DRD2: variants seen among roughly 807,000 people sequenced by gnomAD.
DRD2 encodes dopamine receptor D2, also known as D(2) dopamine receptor.
DRD2 carries 8 observed loss-of-function variants against 38.0 expected under a neutral mutation model. That is an observed-to-expected ratio of 0.21 (90% confidence interval 0.12 to 0.38). The LOEUF is 0.38. Among genes scored for constraint, DRD2 ranks in the 10% least tolerant of loss-of-function variants. The pLI is 1.00. For missense variants in DRD2, 403 were observed against 607.7 expected (o/e 0.66, Z 3.54); for synonymous variants, 230 against 238.6 (o/e 0.96, Z 0.33).
chr11:113,474,687 T>C (rs1225619526), intron 1 of DRD2, among the ~76,000 whole-genome samples: 1 of 150,320 alleles, frequency 6.7e-6, no homozygotes, highest in Non-Finnish European at 1.5e-5. Context: ...GGTCTCGCGC[T>C]TGGGTGCTGG....
At chr11:113,420,288 G>A (rs1950873165) in intron 2 of DRD2, among the ~76,000 whole-genome samples, 1 of 152,116 alleles carries the variant, frequency 6.6e-6, no homozygotes, top group African/African-American at 2.4e-5. Context: ...TAGGCTCCTG[G>A]ACACAGTTGT....
At chr11:113,414,080 GA>G (rs2138159521) in intron 6 of DRD2, 1 of 436,476 alleles carries the variant, frequency 2.3e-6, no homozygotes, top group East Asian at 4.7e-5. Context: ...AGGATTTGAT[GA>G]GATAATAGGG....
In DRD2 at chr11:113,414,871, G is replaced by A. The variant is rs573090345; in HGVS notation, c.724-410C>T. 5.3e-4 allele frequency among the ~76,000 whole-genome samples: 80 copies of A among 152,314 alleles called. 1 individual carries two copies. The highest frequency in any genetic ancestry group is 1.9e-3 in the African/African-American group (79 of 41,578). ...GTCAGTGACAGGATCTGAACCTGAT[G>A]CGTCTAGCCCAAGAGCTCTTGTTCC... On this transcript the variant is annotated intron_variant, in intron 5 of 7. Transcript: ENST00000362072.
chr11:113,453,716 G>A (rs746466776), intron 1 of DRD2, among the ~76,000 whole-genome samples: 3 of 152,204 alleles, frequency 2.0e-5, no homozygotes, highest in Admixed American at 6.5e-5. Flanking sequence ...CGGAGATGCC[G>A]GCACACGGAA....
chr11:113,459,370 G>T (rs145372014), intron 1 of DRD2, among the ~76,000 whole-genome samples: 9 of 152,288 alleles, frequency 5.9e-5, no homozygotes, highest in Admixed American at 1.3e-4. Context: ...AGAAAAGTGC[G>T]GGTGTTGTTG....
At chr11:113,435,683 A>G (rs1456048069) in intron 1 of DRD2, among the ~76,000 whole-genome samples, 3 of 150,194 alleles carry the variant, frequency 2.0e-5, no homozygotes, top group Non-Finnish European at 4.4e-5. Flanking sequence ...AAAGAAAAAA[A>G]TCTGGGAAGT....
At chr11:113,417,065 C>T (rs868054216) in intron 3 of DRD2, 66 bp from the exon 4 acceptor site, 2 of 1,586,050 alleles carry the variant, frequency 1.3e-6, no homozygotes, top group Non-Finnish European at 1.7e-6. Context: ...ACAATATGCA[C>T]ACACCAGAGA....
At chr11:113,423,429 C>T (rs1013468220) in intron 2 of DRD2, among the ~76,000 whole-genome samples, 4 of 152,318 alleles carry the variant, frequency 2.6e-5, no homozygotes, top group Middle Eastern at 3.4e-3. Flanking sequence ...GCATATGCCA[C>T]CACACCTGGC....
chr11:113,467,210 C>G (rs1354018970), intron 1 of DRD2, among the ~76,000 whole-genome samples: 1 of 152,190 alleles, frequency 6.6e-6, no homozygotes, highest in East Asian at 1.9e-4. Context: ...GACCCAGGAA[C>G]AGAATACCTA....
intron 1 of DRD2, among the ~76,000 whole-genome samples, chr11:113,448,722 C>A (rs1159830069): frequency 2.0e-5 from 3 of 152,140 alleles, no homozygotes; most frequent in Non-Finnish European, 4.4e-5. Context: ...TGGGGTCAGG[C>A]CTCATTCGGG....
At chr11:113,445,276 T>C (rs1951134969) in intron 1 of DRD2, among the ~76,000 whole-genome samples, 1 of 152,194 alleles carries the variant, frequency 6.6e-6, no homozygotes, top group Admixed American at 6.5e-5. Context: ...ATAAAATCTG[T>C]CATTTAGTTA....
intron 1 of DRD2, among the ~76,000 whole-genome samples, chr11:113,441,986 C>T (rs952173336): frequency 6.6e-6 from 1 of 151,958 alleles, no homozygotes; most frequent in Non-Finnish European, 1.5e-5. Flanking sequence ...CGCTTGTTCC[C>T]CACATCCCCC....
intron 1 of DRD2, among the ~76,000 whole-genome samples, chr11:113,444,810 C>T (rs903562111): frequency 7.2e-5 from 11 of 152,174 alleles, no homozygotes; most frequent in African/African-American, 1.2e-4. Context: ...GGTACTAGCT[C>T]GACAGCTGGG....
At position 113,432,288 on chromosome 11, in the gene DRD2, T is replaced by TTCTCTCTCTC. The variant is rs56097058; in HGVS notation, c.-31-7616_-31-7607dup. Among the ~76,000 whole-genome samples, 176 of 136,360 alleles carry TTCTCTCTCTC rather than the reference T, an allele frequency of 1.3e-3. 1 individual carries two copies. Among genetic ancestry groups the TTCTCTCTCTC allele is most frequent in the Middle Eastern group, 3.7e-3 (1 of 272 alleles). 89.5% of individuals were successfully genotyped at this position (136,360 alleles called of 152,430 possible). A position where few individuals can be genotyped will look rare whatever the true frequency, so the allele number is the denominator to read the frequency against. ...GAGAGGATTTTCTCTGATCCTCTCT[T>TTCTCTCTCTC]TCTCTCTCTCTCTCTCTCTCTCTCT... On this transcript the variant is annotated intron_variant, in intron 1 of 7. Coordinates refer to ENST00000362072, the MANE Select transcript of DRD2 (RefSeq NM_000795.4).
At chr11:113,439,874 A>G (rs867409455) in intron 1 of DRD2, among the ~76,000 whole-genome samples, 2 of 139,240 alleles carry the variant, frequency 1.4e-5, no homozygotes, top group Non-Finnish European at 3.1e-5. Flanking sequence ...AAAAAAAAAA[A>G]GCTAAGAGTA....
rs377113965 is a variant in DRD2, at chr11:113,418,151, A to T, written c.286-15T>A. 2 of 1,603,750 alleles carry T rather than the reference A, an allele frequency of 1.2e-6. No homozygotes were observed. The highest frequency in any genetic ancestry group is 2.7e-5 in the African/African-American group (2 of 74,688). On this transcript the variant is annotated splice_polypyrimidine_tract_variant and intron_variant, in intron 2 of 7. Coordinates refer to ENST00000362072, the MANE Select transcript of DRD2 (RefSeq NM_000795.4). Reference sequence around the variant, plus strand: ...TCACCTACCACCTGGGGACAAAGCAACATAATGGATGGACAGCAGGAGTGG... The same window carrying T: ...TCACCTACCACCTGGGGACAAAGCATCATAATGGATGGACAGCAGGAGTGG...
intron 1 of DRD2, among the ~76,000 whole-genome samples, chr11:113,460,275 C>T (rs1269254931): frequency 1.3e-5 from 2 of 152,230 alleles, no homozygotes; most frequent in Admixed American, 1.3e-4. Context: ...CCAGTCACCC[C>T]CAGCCCCAGC....
intron 1 of DRD2, among the ~76,000 whole-genome samples, chr11:113,443,377 T>C (rs1951111112): frequency 6.6e-6 from 1 of 152,238 alleles, no homozygotes; most frequent in African/African-American, 2.4e-5. Context: ...ACAAGGCTTG[T>C]ATCTTATTCA....
chr11:113,428,085 A>G lies in DRD2; in HGVS notation c.-31-3403T>C, dbSNP rs926295967. Reference sequence around the variant, plus strand: ...CTGGGACGTCCCAGCCTCCAGAACTATGAGGAAACAGATTTCTGTTGTTCA... The same window carrying G: ...CTGGGACGTCCCAGCCTCCAGAACTGTGAGGAAACAGATTTCTGTTGTTCA... On this transcript the variant is annotated intron_variant, in intron 1 of 7. Coordinates refer to ENST00000362072, the MANE Select transcript of DRD2 (RefSeq NM_000795.4). 5.9e-5 allele frequency among the ~76,000 whole-genome samples: 9 copies of G among 152,232 alleles called. 1 individual carries two copies. In the East Asian group the frequency reaches 1.7e-3, roughly 29 times the overall value.
Sources: allele counts gnomAD v4.1 joint callset (sites outside exome capture counted in the v4.1 genomes callset), GRCh38; gene constraint gnomAD v4.1.1; transcripts MANE v1.5; gene names NCBI Gene and HGNC (gene_info 2026-07-23, HGNC 2026-07-21).